ADCY1: variants seen among roughly 807,000 people sequenced by gnomAD.
ADCY1 encodes adenylate cyclase 1.
In ADCY1, 28 loss-of-function variants were observed where a neutral mutation model predicts 105.4. That is an observed-to-expected ratio of 0.27 (90% CI 0.20 to 0.36). The LOEUF is 0.36. ADCY1 is among the 10% of genes least tolerant of loss of function. ADCY1 has a pLI of 1.00. For synonymous variants in ADCY1, 655 were observed against 623.8 expected (o/e 1.05, Z -0.75); for missense variants, 977 against 1,434.2 (o/e 0.68, Z 5.15).
intron 8 of ADCY1, among the ~76,000 whole-genome samples, chr7:45,666,002 T>C (rs1047676786): frequency 3.3e-5 from 5 of 152,230 alleles, no homozygotes; most frequent in Non-Finnish European, 7.3e-5. Context: ...AATTGTTCTC[T>C]CTCAGGCACT....
At chr7:45,685,894 G>A (rs1033470523) in intron 12 of ADCY1, 68 bp from the exon 13 acceptor site, 2 of 1,536,030 alleles carry the variant, frequency 1.3e-6, no homozygotes, top group East Asian at 4.5e-5. Flanking sequence ...AGGGACACCT[G>A]AGCATGCTTA....
intron 1 of ADCY1, among the ~76,000 whole-genome samples, chr7:45,576,220 C>T (rs1211448308): frequency 6.6e-6 from 1 of 152,138 alleles, no homozygotes; most frequent in Non-Finnish European, 1.5e-5. Context: ...GAAGCTGAAT[C>T]CAGAGAGATT....
rs931943699 is a variant in ADCY1, at chr7:45,721,859, A to G, written c.*7864A>G. 2.5e-6 allele frequency: 1 copy of G among 398,672 alleles called. No individual in the cohort carries two copies. The allele number at this position is 398,672 out of a possible 1,614,324, so 24.7% of individuals were successfully genotyped here. A position where few individuals can be genotyped will look rare whatever the true frequency, so the allele number is the denominator to read the frequency against. ...TCAGACCTTCAAATAGGTTGCTTTC[A>G]AAAGAGCTTTCAGGCACTTATTGAG... On this transcript the variant is annotated 3_prime_UTR_variant, in exon 20 of 20. Coordinates refer to ENST00000297323, the MANE Select transcript of ADCY1 (RefSeq NM_021116.4).
chr7:45,595,132 T>C (rs1793036067), intron 2 of ADCY1, among the ~76,000 whole-genome samples: 1 of 152,258 alleles, frequency 6.6e-6, no homozygotes, highest in African/African-American at 2.4e-5. Context: ...GTCATTTCTT[T>C]CCCAAGTTTC....
At chr7:45,636,602 G>A (rs756671017) in intron 4 of ADCY1, among the ~76,000 whole-genome samples, 25 of 152,224 alleles carry the variant, frequency 1.6e-4, no homozygotes, top group South Asian at 8.3e-4. Context: ...GTGCAGTGGC[G>A]CAATCTTGGC....
chr7:45,587,170 C>T (rs1792755737), intron 1 of ADCY1, among the ~76,000 whole-genome samples: 1 of 151,956 alleles, frequency 6.6e-6, no homozygotes. Flanking sequence ...GGAGGCTGCT[C>T]TGTAAAAGGA....
intron 5 of ADCY1, among the ~76,000 whole-genome samples, chr7:45,650,203 TATATATCAC>T (rs1584302893): frequency 2.0e-5 from 3 of 152,204 alleles, no homozygotes; most frequent in South Asian, 2.1e-4. Flanking sequence ...TTTCATGTAA[TATATATCAC>T]ATATATCACA....
chr7:45,611,183 A>G (rs1437378527), intron 3 of ADCY1, among the ~76,000 whole-genome samples: 1 of 145,124 alleles, frequency 6.9e-6, no homozygotes, highest in Admixed American at 7.0e-5. Context: ...GTGATGGTGC[A>G]GGTGGGGAGA....
intron 4 of ADCY1, among the ~76,000 whole-genome samples, chr7:45,634,450 A>T (rs1295462667): frequency 1.3e-5 from 2 of 150,618 alleles, no homozygotes; most frequent in African/African-American, 4.9e-5. Flanking sequence ...TTGATTCAGA[A>T]ATGGATGTTG....
rs2115675497 is a variant in ADCY1, at chr7:45,574,740, C to T, written c.197C>T (p.Ala66Val). 13 of 1,425,012 alleles carry T rather than the reference C, an allele frequency of 9.1e-6. No homozygotes were observed. Among genetic ancestry groups the T allele is most frequent in the Non-Finnish European group, 1.1e-5 (12 of 1,098,882 alleles). The allele number at this position is 1,425,012 out of a possible 1,614,324, so 88.3% of individuals were successfully genotyped here. The change falls in exon 1 of 20, where the codon GCC becomes GTC. Residue 66 changes from alanine to valine, a missense_variant. Ala to Val is a moderately conservative substitution (Grantham distance 64). Coordinates refer to ENST00000297323, the MANE Select transcript of ADCY1 (RefSeq NM_021116.4). This position sits in a 1 kb window ranked among gnomAD's most constrained non-coding sequence, Gnocchi z 7.0. ...CAGGCGGCCACGCTGAAGGCGCTGG[C>T]CGTTCTCAGCCTGCTGGCGGGCGCG... ...LEQAATLKAL[A>V]VLSLLAGALA...
intron 2 of ADCY1, among the ~76,000 whole-genome samples, chr7:45,607,004 C>CT (rs1242193597): frequency 1.7e-3 from 244 of 139,954 alleles, no homozygotes; most frequent in Middle Eastern, 0.011. Context: ...GCTACTTCGT[C>CT]TTTTTTTTTT....
At chr7:45,659,978 G>C in intron 6 of ADCY1, 64 bp from the exon 7 acceptor site, 1 of 1,598,130 alleles carries the variant, frequency 6.3e-7, no homozygotes, top group African/African-American at 1.3e-5. Flanking sequence ...CCTCTGGTAA[G>C]GCCCTGCAGA....
intron 5 of ADCY1, among the ~76,000 whole-genome samples, chr7:45,651,403 T>C (rs929395623): frequency 2.6e-5 from 4 of 152,202 alleles, no homozygotes; most frequent in African/African-American, 9.7e-5. Flanking sequence ...GGATGGAATA[T>C]GTTTATCAAC....
chr7:45,697,386 C>CA (rs767172236), intron 14 of ADCY1, among the ~76,000 whole-genome samples: 2 of 108,278 alleles, frequency 1.8e-5, no homozygotes, highest in East Asian at 2.9e-4. Flanking sequence ...CTCTCTTTAC[C>CA]TTTTTTTTTT....
intron 1 of ADCY1, among the ~76,000 whole-genome samples, chr7:45,583,937 G>GTTTTTTTTTTTTTTTTTTTTTT (rs869216986): frequency 3.5e-5 from 2 of 56,900 alleles, no homozygotes; most frequent in East Asian, 7.2e-4. Context: ...ACTGTGCCCT[G>GTTTTTTTTTTTTTTTTTTTTTT]TTTTTTTTTT....
At chr7:45,658,703 A>G (rs575151488) in intron 6 of ADCY1, among the ~76,000 whole-genome samples, 3 of 152,342 alleles carry the variant, frequency 2.0e-5, no homozygotes, top group Non-Finnish European at 4.4e-5. Flanking sequence ...GCATCAGCTG[A>G]ACACAGGAAT....
rs576170793 is a variant in ADCY1 at position 45,718,329 on chromosome 7, A to C, written c.*4334A>C. On this transcript the variant is annotated 3_prime_UTR_variant, in exon 20 of 20. Transcript: ENST00000297323. ...AGGCTTACCTGTGATAGGCCATTTT[A>C]AGGAAATGGTGGCACTCTGAAGGCT... is the stretch of plus-strand genomic sequence containing the variant. 10 of 152,178 alleles carry C rather than the reference A, an allele frequency of 6.6e-5. No individual in the cohort carries two copies. Among genetic ancestry groups the C allele is most frequent in the Non-Finnish European group, 1.5e-4 (10 of 68,068 alleles). The allele number at this position is 152,178 out of a possible 1,614,324, so 9.4% of individuals were successfully genotyped here.
At chr7:45,704,234 G>A (rs1785061321) in intron 16 of ADCY1, among the ~76,000 whole-genome samples, 1 of 149,730 alleles carries the variant, frequency 6.7e-6, no homozygotes, top group Admixed American at 6.6e-5. Context: ...CCCCCACCCC[G>A]ACAGCCAGCC....
intron 4 of ADCY1, among the ~76,000 whole-genome samples, chr7:45,625,160 G>A (rs1794016251): frequency 6.6e-6 from 1 of 152,194 alleles, no homozygotes; most frequent in Non-Finnish European, 1.5e-5. Context: ...GGCTTCTGCT[G>A]TTCCTTTCTA....
Sources: gnomAD v4.1 joint callset for allele counts (sites outside exome capture counted in the v4.1 genomes callset) on GRCh38, gnomAD v4.1.1 for gene constraint, Gnocchi (gnomAD v3.1) non-coding constraint, MANE v1.5 for transcripts, NCBI Gene and HGNC (gene_info 2026-07-23, HGNC 2026-07-21) for gene names.